The following PTPN5 variants were observed in gnomAD, a reference collection of about 807,000 sequenced individuals.
The protein encoded by PTPN5 is tyrosine-protein phosphatase non-receptor type 5.
A neutral mutation model predicts 73.9 loss-of-function variants in PTPN5; 29 were observed. The observed-to-expected ratio is 0.39, with a 90% CI of 0.29 to 0.54. The LOEUF is 0.54. Ranked by LOEUF, PTPN5 falls within the 20% of genes least tolerant of loss-of-function variation. The pLI, the probability that PTPN5 is intolerant of heterozygous loss-of-function variation, is 0.65. For synonymous variants in PTPN5, 267 were observed against 304.7 expected (o/e 0.88, Z 1.29); for missense variants, 652 against 751.4 (o/e 0.87, Z 1.55).
intron 12 of PTPN5, 143 bp downstream of exon 12, chr11:18,732,449 C>G (rs1390639105): frequency 7.4e-6 from 5 of 677,350 alleles, no homozygotes; most frequent in South Asian, 7.0e-5. Flanking sequence ...ACCTCTCACT[C>G]ATCCGTAATT....
intron 3 of PTPN5, chr11:18,749,339 T>G: frequency 1.9e-6 from 1 of 517,624 alleles, no homozygotes; most frequent in South Asian, 1.4e-5. Flanking sequence ...CTTAGAGAGG[T>G]TAAGTGTCTT....
chr11:18,750,437 G>A (rs1007725681), intron 3 of PTPN5, among the ~76,000 whole-genome samples: 2 of 152,108 alleles, frequency 1.3e-5, no homozygotes, highest in African/African-American at 4.8e-5. Flanking sequence ...GCCACACCAC[G>A]TCATTGGTAA....
intron 1 of PTPN5, among the ~76,000 whole-genome samples, chr11:18,784,908 C>A (rs944571700): frequency 1.1e-4 from 17 of 152,054 alleles, no homozygotes; most frequent in Non-Finnish European, 1.9e-4. Flanking sequence ...GGCTGGAGTG[C>A]AGCGGCGCTA....
chr11:18,786,672 C>G (rs990779864), intron 1 of PTPN5, among the ~76,000 whole-genome samples: 2 of 152,162 alleles, frequency 1.3e-5, no homozygotes, highest in African/African-American at 4.8e-5. Flanking sequence ...CCTGTGGCTG[C>G]AGATGGAATC....
intron 2 of PTPN5, among the ~76,000 whole-genome samples, chr11:18,767,271 T>C (rs1850685731): frequency 6.6e-6 from 1 of 152,162 alleles, no homozygotes; most frequent in African/African-American, 2.4e-5. Context: ...AGGTTCAGGG[T>C]GGCCCTTCTC....
Position 18,729,019 on chromosome 11 carries a change from A to T in PTPN5, c.1613T>A (p.Met538Lys). ...CTGGTACTGCTCGCATGTCTGGATC[A>T]TGCCGCCCCTGCCCGGCAGAGATGC... ...TCQLRQDRGG[M>K]IQTCEQYQFV... The change falls in exon 15 of 15, where the codon ATG (methionine) becomes AAG (lysine). Residue 538 changes from methionine to lysine, a missense_variant. This residue lies in a region of PTPN5 where 102 missense variants were observed against 160.5 expected (regional missense o/e 0.64). Transcript: ENST00000358540. This position sits in a 1 kb window ranked among gnomAD's most constrained non-coding sequence, Gnocchi z 5.2. The T allele has an allele frequency of 6.2e-7, 1 of 1,613,730 alleles. No individual in the cohort carries two copies. Among genetic ancestry groups the T allele is most frequent in the Non-Finnish European group, 8.5e-7 (1 of 1,179,924 alleles).
chr11:18,742,186 TC>T lies in PTPN5; in HGVS notation c.725+75del, dbSNP rs1849391944. The stretch of plus-strand genomic sequence containing the variant: ...CTGCCCTGGGCACCAGGAGTCAGAG[TC>T]AGGCATCCACTCTTCTGATCAGGAG... On this transcript the variant is annotated intron_variant, in intron 7 of 14. Transcript: ENST00000358540. This position sits in a 1 kb window ranked among gnomAD's most constrained non-coding sequence, Gnocchi z 4.1. 6.3e-7 allele frequency: 1 copy of T among 1,578,752 alleles called. No homozygotes were observed. Among genetic ancestry groups the T allele is most frequent in the Non-Finnish European group, 8.6e-7 (1 of 1,159,268 alleles).
At chr11:18,736,024 T>C (rs2077491583) in intron 9 of PTPN5, among the ~76,000 whole-genome samples, 1 of 152,296 alleles carries the variant, frequency 6.6e-6, no homozygotes, top group South Asian at 2.1e-4. Context: ...ATGTAGTCTA[T>C]GTAAATTGTG....
In PTPN5 at chr11:18,765,863, G is replaced by T; in HGVS notation, c.41C>A (p.Ala14Asp). Residue 14 changes from alanine to aspartate, a missense_variant, in exon 3 of 15, where the codon GCT (alanine) becomes GAT (aspartate). By Grantham distance (126) the Ala-to-Asp change is moderately radical. Transcript: ENST00000358540. Reference protein sequence around the residue: ...EGARSERENHAADDSEGGALD... With the variant: ...EGARSERENHDADDSEGGALD... ...GGCCCCTCCCTCGGAGTCATCAGCAGCGTGGTTCTCTCTCTCACTCCTGCA... is the reference window on the plus strand; with the variant it reads ...GGCCCCTCCCTCGGAGTCATCAGCATCGTGGTTCTCTCTCTCACTCCTGCA... 1 of 1,579,984 alleles carries T rather than the reference G, an allele frequency of 6.3e-7. No homozygotes were observed. Among genetic ancestry groups the T allele is most frequent in the Non-Finnish European group, 8.6e-7 (1 of 1,161,650 alleles).
Position 18,733,483 on chromosome 11 carries a change from C to T in PTPN5, c.1080+73G>A. ...GGCAGGAGCCAGACTGGTGTAGGGA[C>T]AAGGCTGGAGGATGGATCCCATCGA... is the stretch of plus-strand genomic sequence containing the variant. On this transcript the variant is annotated intron_variant, in intron 10 of 14. Transcript: ENST00000358540. The surrounding 1 kb of genome is among the most constrained non-coding windows in gnomAD (Gnocchi z 4.3). 6.2e-7 allele frequency: 1 copy of T among 1,612,488 alleles called. No individual in the cohort carries two copies. Among genetic ancestry groups the T allele is most frequent in the Non-Finnish European group, 8.5e-7 (1 of 1,178,902 alleles).
At chr11:18,743,206 AG>A in intron 5 of PTPN5, 115 bp downstream of exon 5, 1 of 1,240,580 alleles carries the variant, frequency 8.1e-7, no homozygotes, top group East Asian at 2.3e-5. Flanking sequence ...GAAGAACTTC[AG>A]GGGCTTGGAA....
At chr11:18,774,293 C>G (rs1851042768) in intron 1 of PTPN5, among the ~76,000 whole-genome samples, 1 of 152,222 alleles carries the variant, frequency 6.6e-6, no homozygotes, top group African/African-American at 2.4e-5. Flanking sequence ...AACAAAGGCA[C>G]AGCAGAGAAA....
rs949775570 is a variant in PTPN5 at position 18,727,975 on chromosome 11, G to C, written c.*959C>G. On this transcript the variant is annotated 3_prime_UTR_variant, in exon 15 of 15. Coordinates refer to ENST00000358540, the MANE Select transcript of PTPN5 (RefSeq NM_006906.2). ...GTTTATTGCTCTATTCAATGACCAC[G>C]AGCGAATTATAAAAAGACACCAAAT... 6.6e-5 allele frequency: 10 copies of C among 152,578 alleles called. No homozygotes were observed. The highest frequency in any genetic ancestry group is 2.4e-4 in the African/African-American group (10 of 41,414). 9.5% of individuals were successfully genotyped at this position (152,578 alleles called of 1,614,324 possible). A position where few individuals can be genotyped will look rare whatever the true frequency, so the allele number is the denominator to read the frequency against.
intron 12 of PTPN5, chr11:18,730,890 C>T (rs1848843006): frequency 6.6e-6 from 1 of 152,196 alleles, no homozygotes. Context: ...TCCCACACTC[C>T]AAAAGGTTTG....
intron 1 of PTPN5, among the ~76,000 whole-genome samples, chr11:18,777,732 G>C (rs1851225734): frequency 6.6e-6 from 1 of 152,100 alleles, no homozygotes; most frequent in East Asian, 1.9e-4. Context: ...GATCACTTGG[G>C]GCCATGAGTT....
chr11:18,739,705 C>T (rs895587541), intron 8 of PTPN5, among the ~76,000 whole-genome samples: 1 of 152,174 alleles, frequency 6.6e-6, no homozygotes, highest in African/African-American at 2.4e-5. Flanking sequence ...GTGGCTTCTA[C>T]CAGGAGGAAC....
In PTPN5 at chr11:18,765,817, C is replaced by T; in HGVS notation, c.87G>A (p.Glu29=). Residue 29 remains glutamate (E), a synonymous_variant, in exon 3 of 15, where the codon GAG becomes GAA. Coordinates refer to ENST00000358540, the MANE Select transcript of PTPN5 (RefSeq NM_006906.2). The stretch of plus-strand genomic sequence containing the variant: ...GCTGAGAAGACTCACCCGGTAGCCT[C>T]TCACTGCAGCACATGTCCAGGGCCC... ...EGGALDMCCS[E]RLPGLPQPIV... The T allele has an allele frequency of 6.4e-7, 1 of 1,574,192 alleles. No homozygotes were observed. The highest frequency in any genetic ancestry group is 8.6e-7 in the Non-Finnish European group (1 of 1,158,814).
intron 3 of PTPN5, 77 bp downstream of exon 3, chr11:18,765,730 C>G (rs1850613641): frequency 2.0e-6 from 2 of 999,316 alleles, no homozygotes; most frequent in Non-Finnish European, 3.1e-6. Flanking sequence ...CTAGGCTTTA[C>G]TCCAGCCCCA....
Position 18,737,948 on chromosome 11 carries a change from A to C in PTPN5, c.932T>G (p.Phe311Cys). ...QAEFFEIPMN[F>C]VDPKEYDIPG... ...GATGTCGTACTCTTTCGGATCCACA[A>C]AGTTCATGGGGATTTCCTGTGGAAG... Residue 311 changes from phenylalanine to cysteine, a missense_variant, in exon 9 of 15, where the codon TTT (phenylalanine) becomes TGT (cysteine). By Grantham distance (205) the Phe-to-Cys change is radical. This residue lies in a region of PTPN5 where 529 missense variants were observed against 573.9 expected (regional missense o/e 0.92). Transcript: ENST00000358540. 6.2e-7 allele frequency: 1 copy of C among 1,614,060 alleles called. No homozygotes were observed. The highest frequency in any genetic ancestry group is 1.1e-5 in the South Asian group (1 of 91,078).
Sources: allele counts gnomAD v4.1 joint callset (sites outside exome capture counted in the v4.1 genomes callset), GRCh38; gene constraint gnomAD v4.1.1; regional missense constraint gnomAD v4.1.1; non-coding constraint Gnocchi (gnomAD v3.1); transcripts MANE v1.5; gene names NCBI Gene and HGNC (gene_info 2026-07-23, HGNC 2026-07-21).